PLEKHA8: variants seen among roughly 807,000 people sequenced by gnomAD.
PLEKHA8 encodes the protein pleckstrin homology domain containing A8.
Under a neutral mutation model 68.2 loss-of-function variants are expected in PLEKHA8, and 36 were observed. That is an observed-to-expected ratio of 0.53 (90% CI 0.40 to 0.70). PLEKHA8 has a LOEUF of 0.70. Ranked by LOEUF, PLEKHA8 falls within the 30% of genes least tolerant of loss-of-function variation. The probability of loss-of-function intolerance (pLI) is 0.00; values close to 1 mark genes in which losing one functional copy is unlikely to be tolerated. For missense variants in PLEKHA8, 505 were observed against 615.4 expected (o/e 0.82, Z 1.90); for synonymous variants, 211 against 216.1 (o/e 0.98, Z 0.20).
At chr7:30,032,082 C>T (rs1178822230) in intron 1 of PLEKHA8, among the ~76,000 whole-genome samples, 1 of 152,110 alleles carries the variant, frequency 6.6e-6, no homozygotes, top group Non-Finnish European at 1.5e-5. Flanking sequence ...GAAGATTAAA[C>T]TTGGGATGAA....
intron 13 of PLEKHA8, among the ~76,000 whole-genome samples, chr7:30,108,290 A>G (rs910783115): frequency 5.3e-5 from 8 of 152,030 alleles, no homozygotes; most frequent in Non-Finnish European, 4.4e-5. Context: ...ATATTTAGAA[A>G]TGAGATTGGG....
Position 30,082,417 on chromosome 7 carries a change from T to C in PLEKHA8, c.*3630T>C, listed in dbSNP as rs11766749. Reference sequence around the variant, plus strand: ...CCACCTTAGCCCAGGGCTGCGTGCCTGATCAGTGGGGATTCTGTTCCCCCA... The same window carrying C: ...CCACCTTAGCCCAGGGCTGCGTGCCCGATCAGTGGGGATTCTGTTCCCCCA... On this transcript the variant is annotated 3_prime_UTR_variant, in exon 14 of 14. Coordinates refer to ENST00000449726, the MANE Select transcript of PLEKHA8 (RefSeq NM_001197026.2). The C allele has an allele frequency of 0.16, 161,189 of 985,190 alleles. 13,428 individuals carry two copies. The highest frequency in any genetic ancestry group is 0.24 in the African/African-American group (13,461 of 57,274). The allele number at this position is 985,190 out of a possible 1,614,324, so 61.0% of individuals were successfully genotyped here. A position where few individuals can be genotyped will look rare whatever the true frequency, so the allele number is the denominator to read the frequency against.
In PLEKHA8 at chr7:30,050,467, T is replaced by C. The variant is rs1792319469; in HGVS notation, c.631T>C (p.Leu211=). 6.3e-7 allele frequency: 1 copy of C among 1,576,874 alleles called. No individual in the cohort carries two copies. The highest frequency in any genetic ancestry group is 1.4e-5 in the African/African-American group (1 of 73,116). The change falls in exon 6 of 14, where the codon TTG becomes CTG. Residue 211 remains leucine, a synonymous_variant. Coordinates refer to ENST00000449726, the MANE Select transcript of PLEKHA8 (RefSeq NM_001197026.2). The part of the protein sequence containing the change: ...KHPIIPIHNS[L]ERQMELSTCE... ...TCCTATTATACCAATTCATAATTCATTGGAAAGGTACAGTAGCTTTTTTCT... is the reference window on the plus strand; with the variant it reads ...TCCTATTATACCAATTCATAATTCACTGGAAAGGTACAGTAGCTTTTTTCT...
chr7:30,110,236 G>A lies in PLEKHA8; in HGVS notation c.1363-19030G>A, dbSNP rs1796225440. On this transcript the variant is annotated intron_variant, in intron 13 of 13. Transcript: ENST00000396257. ...TCTTTCTGTTTCTATTGATTTTCCT[G>A]TTCTGGACTTTTCATATAAATGGAA... is the stretch of plus-strand genomic sequence containing the variant. Among the ~76,000 whole-genome samples, 3 of 151,970 alleles carry A rather than the reference G, an allele frequency of 2.0e-5. No homozygotes were observed. The South Asian group carries it at 6.2e-4, about 32-fold the overall frequency.
At chr7:30,116,944 CT>C (rs781604767) in intron 13 of PLEKHA8, among the ~76,000 whole-genome samples, 5 of 152,344 alleles carry the variant, frequency 3.3e-5, no homozygotes, top group Non-Finnish European at 7.3e-5. Context: ...TGGCACTCCC[CT>C]GCCCGCCTTC....
At chr7:30,086,206 G>GCCT (rs1795174973), downstream of PLEKHA8, among the ~76,000 whole-genome samples, 1 of 152,198 alleles carries the variant, frequency 6.6e-6, no homozygotes, top group African/African-American at 2.4e-5. Flanking sequence ...GGTAAGAAAG[G>GCCT]AAGTGCCTTT....
chr7:30,082,731 A>G lies in PLEKHA8; in HGVS notation c.*3944A>G, dbSNP rs1156615523. On this transcript the variant is annotated 3_prime_UTR_variant, in exon 14 of 14. Transcript: ENST00000449726. ...CCACTAAATTTGAAGTGAGGGAAAG[A>G]GGAGCCAAAGTAAGAGATTTTTTTT... is the stretch of plus-strand genomic sequence containing the variant. 3.0e-6 allele frequency: 3 copies of G among 985,272 alleles called. No individual in the cohort carries two copies. Among genetic ancestry groups the G allele is most frequent in the Non-Finnish European group, 3.6e-6 (3 of 829,894 alleles). The allele number at this position is 985,272 out of a possible 1,614,324, so 61.0% of individuals were successfully genotyped here.
At chr7:30,113,433 G>C (rs963473488) in intron 13 of PLEKHA8, among the ~76,000 whole-genome samples, 3 of 152,132 alleles carry the variant, frequency 2.0e-5, no homozygotes, top group Admixed American at 6.6e-5. Flanking sequence ...GTACTGTGCT[G>C]TCAACTTATT....
intron 9 of PLEKHA8, among the ~76,000 whole-genome samples, 192 bp downstream of exon 9, chr7:30,055,534 T>A (rs546226738): frequency 1.1e-4 from 17 of 152,348 alleles, no homozygotes; most frequent in African/African-American, 4.1e-4. Context: ...TCATTTCTAA[T>A]AATGATTAAA....
chr7:30,056,312 C>CTCTCTATATATATATATATATATA (rs796845171), intron 9 of PLEKHA8, among the ~76,000 whole-genome samples: 1 of 94,544 alleles, frequency 1.1e-5, no homozygotes, highest in Admixed American at 1.2e-4. Flanking sequence ...CTCTCTCTCT[C>CTCTCTATATATATATATATATATA]TATATATATA....
chr7:30,055,345 A>G lies in PLEKHA8; in HGVS notation c.1039+3A>G, dbSNP rs1251396718. On this transcript the variant is annotated splice_donor_region_variant and intron_variant, in intron 9 of 13. Coordinates refer to ENST00000449726, the MANE Select transcript of PLEKHA8 (RefSeq NM_001197026.2). Reference sequence around the variant, plus strand: ...TTATGCTGTGGTTCCAGTATTAGGTAAGATTCCTGCAGTTGCCTTACATTC... The same window carrying G: ...TTATGCTGTGGTTCCAGTATTAGGTGAGATTCCTGCAGTTGCCTTACATTC... 5.0e-6 allele frequency: 8 copies of G among 1,613,128 alleles called. No individual in the cohort carries two copies. The highest frequency in any genetic ancestry group is 6.8e-6 in the Non-Finnish European group (8 of 1,179,084).
chr7:30,057,573 C>T (rs536097954), intron 9 of PLEKHA8, among the ~76,000 whole-genome samples: 3 of 151,840 alleles, frequency 2.0e-5, no homozygotes, highest in East Asian at 3.9e-4. Context: ...TTCTCCTGCC[C>T]CAGCCTCCCA....
intron 2 of PLEKHA8, 36 bp from the exon 3 acceptor site, chr7:30,046,159 ACCCAGACAGGGCTCT>A: frequency 6.8e-7 from 1 of 1,475,814 alleles, no homozygotes. Flanking sequence ...GTTGGAGGCT[ACCCAGACAGGGCTCT>A]TCTGAGTCTC....
Position 30,084,465 on chromosome 7 carries a change from C to A in PLEKHA8, c.*5678C>A. ...TTACTTAGAATATAATATGTTGGAG[C>A]CTCTTGGGACCAACCGATGAGCGAC... On this transcript the variant is annotated 3_prime_UTR_variant, in exon 14 of 14. Coordinates refer to ENST00000449726, the MANE Select transcript of PLEKHA8 (RefSeq NM_001197026.2). The A allele has an allele frequency of 1.0e-6, 1 of 985,028 alleles. No individual in the cohort carries two copies. The highest frequency in any genetic ancestry group is 1.2e-6 in the Non-Finnish European group (1 of 829,694). The allele number at this position is 985,028 out of a possible 1,614,324, so 61.0% of individuals were successfully genotyped here. A position where few individuals can be genotyped will look rare whatever the true frequency, so the allele number is the denominator to read the frequency against.
Position 30,083,272 on chromosome 7 carries a change from G to C in PLEKHA8, c.*4485G>C. 1.0e-6 allele frequency: 1 copy of C among 982,346 alleles called. No homozygotes were observed. Among genetic ancestry groups the C allele is most frequent in the Non-Finnish European group, 1.2e-6 (1 of 827,136 alleles). The allele number at this position is 982,346 out of a possible 1,614,324, so 60.9% of individuals were successfully genotyped here. A position where few individuals can be genotyped will look rare whatever the true frequency, so the allele number is the denominator to read the frequency against. On this transcript the variant is annotated 3_prime_UTR_variant, in exon 14 of 14. Transcript: ENST00000449726. ...TTCGTTAGAAGTACATTCTACTTCT[G>C]TATGTCCCTTTGTAATCCGCAGTTG...
At chr7:30,036,441 TAGATAG>T (rs1477091445) in intron 1 of PLEKHA8, among the ~76,000 whole-genome samples, 4 of 151,582 alleles carry the variant, frequency 2.6e-5, no homozygotes, top group African/African-American at 9.7e-5. Context: ...GATAGATAGA[TAGATAG>T]ATAGATAGAT....
In PLEKHA8 at chr7:30,028,706, T is replaced by G; in HGVS notation, c.-57T>G. 1 of 1,207,660 alleles carries G rather than the reference T, an allele frequency of 8.3e-7. No homozygotes were observed. The highest frequency in any genetic ancestry group is 1.0e-6 in the Non-Finnish European group (1 of 954,412). 74.8% of individuals were successfully genotyped at this position (1,207,660 alleles called of 1,614,324 possible). Reference sequence around the variant, plus strand: ...CCCTGCTGCTGGTGCTCCTCGCCTCTTGGGGCCTGGGGCAGTGAGGGGGCC... The same window carrying G: ...CCCTGCTGCTGGTGCTCCTCGCCTCGTGGGGCCTGGGGCAGTGAGGGGGCC... On this transcript the variant is annotated 5_prime_UTR_variant, in exon 1 of 14. Transcript: ENST00000449726.
chr7:30,106,982 T>C (rs1455955748), intron 13 of PLEKHA8, among the ~76,000 whole-genome samples: 1 of 152,204 alleles, frequency 6.6e-6, no homozygotes, highest in Admixed American at 6.5e-5. Flanking sequence ...GACTATATAG[T>C]GTTTTCCTTT....
At chr7:30,032,127 A>G (rs1343852121) in intron 1 of PLEKHA8, among the ~76,000 whole-genome samples, 1 of 152,192 alleles carries the variant, frequency 6.6e-6, no homozygotes, top group Non-Finnish European at 1.5e-5. Flanking sequence ...AGATTCCCAC[A>G]TTGTGTGAGA....
Sources: gnomAD v4.1 joint callset for allele counts (sites outside exome capture counted in the v4.1 genomes callset) on GRCh38, gnomAD v4.1.1 for gene constraint, MANE v1.5 for transcripts, NCBI Gene and HGNC (gene_info 2026-07-23, HGNC 2026-07-21) for gene names.